MAGI2: variants seen among roughly 807,000 people sequenced by gnomAD.
MAGI2 encodes the protein membrane-associated guanylate kinase, WW and PDZ domain-containing protein 2.
In MAGI2, 35 loss-of-function variants were observed where a neutral mutation model predicts 133.3. The observed-to-expected ratio is 0.26, with a 90% CI of 0.20 to 0.35. The LOEUF is 0.35. Among genes scored for constraint, MAGI2 ranks in the 10% least tolerant of loss-of-function variants. The pLI is 1.00. For synonymous variants in MAGI2, 729 were observed against 710.6 expected, an observed-to-expected ratio of 1.03 and a Z score of -0.41; for missense variants, 1,636 against 1,863.4, an observed-to-expected ratio of 0.88 and a Z score of 2.25.
intron 2 of MAGI2, among the ~76,000 whole-genome samples, chr7:78,722,311 C>T (rs564785155): frequency 1.3e-5 from 2 of 152,050 alleles, no homozygotes; most frequent in Non-Finnish European, 2.9e-5. Flanking sequence ...TATATCTAAT[C>T]ATGACACTCT....
At chr7:78,286,660 G>C (rs989520546) in intron 9 of MAGI2, among the ~76,000 whole-genome samples, 2 of 152,094 alleles carry the variant, frequency 1.3e-5, no homozygotes, top group Non-Finnish European at 2.9e-5. Context: ...GTGGGGGCAT[G>C]TCTGGGGAAG....
chr7:78,284,810 G>T (rs1227228619), intron 9 of MAGI2, among the ~76,000 whole-genome samples: 1 of 152,058 alleles, frequency 6.6e-6, no homozygotes, highest in Non-Finnish European at 1.5e-5. Context: ...TATGGTAGGA[G>T]AATCTTCCTC....
At chr7:79,318,252 T>C (rs1838896066) in intron 1 of MAGI2, among the ~76,000 whole-genome samples, 1 of 152,058 alleles carries the variant, frequency 6.6e-6, no homozygotes, top group Non-Finnish European at 1.5e-5. Context: ...ATTTATAAAA[T>C]GTCAACACCA....
intron 4 of MAGI2, among the ~76,000 whole-genome samples, chr7:78,506,542 TA>T (rs1336136432): frequency 6.6e-6 from 1 of 152,036 alleles, no homozygotes; most frequent in African/African-American, 2.4e-5. Context: ...AATGGACTGG[TA>T]AAAGAGAAGA....
intron 2 of MAGI2, among the ~76,000 whole-genome samples, chr7:78,772,624 A>G (rs2151322826): frequency 6.6e-6 from 1 of 152,302 alleles, no homozygotes; most frequent in Admixed American, 6.5e-5. Flanking sequence ...CCCTCCATCA[A>G]CACCTAAAAT....
chr7:79,193,842 C>T (rs1373275773), intron 1 of MAGI2, among the ~76,000 whole-genome samples: 2 of 151,764 alleles, frequency 1.3e-5, no homozygotes, highest in Admixed American at 6.6e-5. Flanking sequence ...CGTTGCAAAC[C>T]GGTGTCTGTT....
intron 6 of MAGI2, among the ~76,000 whole-genome samples, chr7:78,435,635 TACCAC>T: frequency 6.6e-6 from 1 of 152,024 alleles, no homozygotes; most frequent in African/African-American, 2.4e-5. Context: ...AAGCTGCAAA[TACCAC>T]CTTGTTCTAA....
chr7:78,170,102 T>C (rs1270050608), intron 14 of MAGI2: 3 of 152,226 alleles, frequency 2.0e-5, no homozygotes, highest in African/African-American at 7.2e-5. Flanking sequence ...TGAGAGACTT[T>C]ACAGCTAGTA....
At chr7:78,324,195 T>TACACTAC (rs1788338963) in intron 9 of MAGI2, among the ~76,000 whole-genome samples, 1 of 151,102 alleles carries the variant, frequency 6.6e-6, no homozygotes, top group Non-Finnish European at 1.5e-5. Flanking sequence ...TACACTACAC[T>TACACTAC]ACACTACACT....
intron 1 of MAGI2, among the ~76,000 whole-genome samples, chr7:79,196,446 T>G (rs1160132331): frequency 2.6e-5 from 4 of 152,038 alleles, no homozygotes; most frequent in Non-Finnish European, 2.9e-5. Flanking sequence ...AACATTCTAC[T>G]CTAATCTTGC....
Position 78,168,103 on chromosome 7 carries a change from C to A in MAGI2, c.2409G>T (p.Leu803Phe), listed in dbSNP as rs1390310916. Residue 803 changes from leucine to phenylalanine, a missense_variant, in exon 15 of 22, where the codon TTG becomes TTT. This residue lies in a region of MAGI2 where 920 missense variants were observed against 1,093.5 expected (regional missense o/e 0.84). Transcript: ENST00000354212. Reference protein sequence around the residue: ...LGGDEPGQPILIGAVIAMGSA... With the variant: ...LGGDEPGQPIFIGAVIAMGSA... ...AGCCCATGGCAATGACAGCTCCAATCAAAATCTAGAGAAGCAGTGAGAAGG... is the reference window on the plus strand; with the variant it reads ...AGCCCATGGCAATGACAGCTCCAATAAAAATCTAGAGAAGCAGTGAGAAGG... 3.1e-6 allele frequency: 5 copies of A among 1,613,098 alleles called. No homozygotes were observed. In the South Asian group the frequency reaches 4.4e-5, roughly 14 times the overall value.
intron 20 of MAGI2, among the ~76,000 whole-genome samples, chr7:78,080,841 C>T (rs1156626484): frequency 2.0e-5 from 3 of 152,254 alleles, no homozygotes; most frequent in Admixed American, 6.5e-5. Flanking sequence ...CTGGGGGTCA[C>T]GCTACACTCC....
At chr7:79,187,322 A>T (rs2129550856) in intron 1 of MAGI2, among the ~76,000 whole-genome samples, 1 of 151,944 alleles carries the variant, frequency 6.6e-6, no homozygotes, top group South Asian at 2.1e-4. Flanking sequence ...TTCAAAAAGT[A>T]GTCAGTTGAT....
At chr7:78,899,187 A>G (rs1278141819) in intron 2 of MAGI2, among the ~76,000 whole-genome samples, 1 of 152,230 alleles carries the variant, frequency 6.6e-6, no homozygotes, top group Non-Finnish European at 1.5e-5. Context: ...ATATTTTCAT[A>G]AGAATGAAAT....
intron 2 of MAGI2, among the ~76,000 whole-genome samples, chr7:78,867,787 A>G (rs1584216640): frequency 6.6e-6 from 1 of 152,164 alleles, no homozygotes; most frequent in Non-Finnish European, 1.5e-5. Flanking sequence ...AGACTGTAAC[A>G]TAAGAGTAAG....
chr7:78,345,965 G>T lies in MAGI2; in HGVS notation c.1182C>A (p.His394Gln), dbSNP rs373184761. 43 of 1,614,074 alleles carry T rather than the reference G, an allele frequency of 2.7e-5. No homozygotes were observed. The highest frequency in any genetic ancestry group is 6.7e-5 in the Admixed American group (4 of 59,998). ...KRKLQQHNMP[H>Q]TELGTKPLQA... is the part of the protein sequence containing the mutation. The stretch of plus-strand genomic sequence containing the variant: ...GCAGGGGCTTTGTTCCAAGTTCTGT[G>T]TGGGGCATGTTATGTTGCTGTAGCT... The change falls in exon 8 of 22, where the codon CAC (histidine) becomes CAA (glutamine). Residue 394 changes from histidine to glutamine, a missense_variant. This residue lies in a region of MAGI2 where 920 missense variants were observed against 1,093.5 expected (regional missense o/e 0.84). Coordinates refer to ENST00000354212, the MANE Select transcript of MAGI2 (RefSeq NM_012301.4).
intron 21 of MAGI2, chr7:78,072,638 GC>G (rs1366449660): frequency 2.4e-5 from 8 of 328,798 alleles, no homozygotes; most frequent in Non-Finnish European, 5.5e-6. Flanking sequence ...GCAGATAATA[GC>G]AAAAAAGATT....
chr7:79,304,815 T>C (rs1247094706), intron 1 of MAGI2, among the ~76,000 whole-genome samples: 2 of 152,064 alleles, frequency 1.3e-5, no homozygotes, highest in Non-Finnish European at 2.9e-5. Context: ...AATCCTAGAG[T>C]CCACATGATA....
chr7:78,951,614 T>TG (rs1801879994), intron 2 of MAGI2, among the ~76,000 whole-genome samples: 1 of 152,172 alleles, frequency 6.6e-6, no homozygotes, highest in South Asian at 2.1e-4. Context: ...AGATGAGATT[T>TG]GGGTGGGGAC....
Sources: allele counts gnomAD v4.1 joint callset (sites outside exome capture counted in the v4.1 genomes callset), GRCh38; gene constraint gnomAD v4.1.1; regional missense constraint gnomAD v4.1.1; transcripts MANE v1.5; gene names NCBI Gene and HGNC (gene_info 2026-07-23, HGNC 2026-07-21).